Variants in ACADL observed in about 807,000 individuals in gnomAD.
ACADL encodes long-chain specific acyl-CoA dehydrogenase, mitochondrial.
Under a neutral mutation model 56.9 loss-of-function variants are expected in ACADL, and 60 were observed. The ratio of observed to expected loss-of-function variants is 1.05; its 90% CI spans 0.86 to 1.31. ACADL has a LOEUF of 1.31. Among genes scored for constraint, ACADL ranks in the 50% most tolerant of loss-of-function variants. ACADL has a pLI of 0.00. For missense variants in ACADL, 484 were observed against 525.5 expected (o/e 0.92, Z 0.77); for synonymous variants, 158 against 179.7 (o/e 0.88, Z 0.97).
At chr2:210,190,081 A>G (rs1688608001) in intron 10 of ACADL, among the ~76,000 whole-genome samples, 1 of 150,434 alleles carries the variant, frequency 6.6e-6, no homozygotes, top group Admixed American at 6.6e-5. Context: ...TTTAAATTTG[A>G]TTTTTAAGAC....
chr2:210,196,339 C>T (rs558592099), intron 8 of ACADL, among the ~76,000 whole-genome samples: 11 of 151,944 alleles, frequency 7.2e-5, no homozygotes, highest in Admixed American at 4.6e-4. Flanking sequence ...ATACACCTCC[C>T]GTACCTCTCA....
intron 3 of ACADL, among the ~76,000 whole-genome samples, chr2:210,216,926 A>G (rs975715333): frequency 6.6e-6 from 1 of 151,982 alleles, no homozygotes; most frequent in Non-Finnish European, 1.5e-5. Context: ...AAAAAAAGAA[A>G]AAAAAGGACC....
At chr2:210,218,724 T>C (rs1689131482) in intron 2 of ACADL, among the ~76,000 whole-genome samples, 3 of 152,216 alleles carry the variant, frequency 2.0e-5, no homozygotes. Context: ...TATGGCATGT[T>C]GTCATGGGAA....
At position 210,218,122 on chromosome 2, in the gene ACADL, TA is replaced by T. The variant is rs1387087899; in HGVS notation, c.234-21del. On this transcript the variant is annotated intron_variant, in intron 2 of 10. Coordinates refer to ENST00000233710, the MANE Select transcript of ACADL (RefSeq NM_001608.4). ...TCCCATCTGCAAATAACAAATATTTTAAATTCAGATAATTTTTAAATATTAT... is the reference window on the plus strand; with the variant it reads ...TCCCATCTGCAAATAACAAATATTTTAATTCAGATAATTTTTAAATATTAT... 1 of 1,595,510 alleles carries T rather than the reference TA, an allele frequency of 6.3e-7. No homozygotes were observed.
chr2:210,216,208 C>T (rs917453222), intron 4 of ACADL, 139 bp downstream of exon 4: 21 of 879,104 alleles, frequency 2.4e-5, no homozygotes, highest in African/African-American at 1.8e-4. Context: ...TGTTATTTTC[C>T]GACTTGAGGT....
chr2:210,202,842 C>G (rs1671488214), intron 8 of ACADL, among the ~76,000 whole-genome samples: 1 of 152,126 alleles, frequency 6.6e-6, no homozygotes, highest in South Asian at 2.1e-4. Context: ...TGTTTTACGT[C>G]CTCATTTCTA....
At chr2:210,204,877 G>A (rs1335318389) in intron 6 of ACADL, among the ~76,000 whole-genome samples, 195 bp from the exon 7 acceptor site, 1 of 152,180 alleles carries the variant, frequency 6.6e-6, no homozygotes, top group African/African-American at 2.4e-5. Context: ...TCTAAACCTT[G>A]TGGCTTTCCT....
chr2:210,224,703 G>C, intron 1 of ACADL: 1 of 986,830 alleles, frequency 1.0e-6, no homozygotes, highest in South Asian at 4.7e-5. Flanking sequence ...GCCGCAGCCC[G>C]GGCACTGAGT....
At chr2:210,216,958 C>T (rs1689098644) in intron 3 of ACADL, among the ~76,000 whole-genome samples, 1 of 151,388 alleles carries the variant, frequency 6.6e-6, no homozygotes, top group South Asian at 2.1e-4. Flanking sequence ...CAAAACAAAA[C>T]ATGGAGTCAT....
chr2:210,224,451 G>A (rs1689232859), intron 1 of ACADL: 1 of 985,100 alleles, frequency 1.0e-6, no homozygotes, highest in Admixed American at 6.2e-5. Flanking sequence ...ATTAAATAAT[G>A]AATTCTCCAT....
At chr2:210,196,170 C>G (rs1688707658) in intron 8 of ACADL, among the ~76,000 whole-genome samples, 1 of 152,066 alleles carries the variant, frequency 6.6e-6, no homozygotes, top group South Asian at 2.1e-4. Flanking sequence ...GTTTTGCCTG[C>G]TACCATGTAA....
chr2:210,195,331 T>C lies in ACADL; in HGVS notation c.992A>G (p.Gln331Arg), dbSNP rs199818269. The change falls in exon 9 of 11, where the codon CAA (glutamine) becomes CGA (arginine). Residue 331 changes from glutamine to arginine, a missense_variant. Coordinates refer to ENST00000233710, the MANE Select transcript of ACADL (RefSeq NM_001608.4). ...GKTVAHLQTV[Q>R]HKLAELKTHI... is the part of the protein sequence containing the mutation. The stretch of plus-strand genomic sequence containing the variant: ...TGTTTTTAATTCTGCTAATTTATGT[T>C]GCACTGTCTTGAATTTAAAGGAAAT... The C allele has an allele frequency of 1.8e-4, 297 of 1,611,990 alleles. No individual in the cohort carries two copies. The highest frequency in any genetic ancestry group is 3.3e-4 in the Middle Eastern group (2 of 6,074).
rs1688579348 is a variant in ACADL at position 210,188,359 on chromosome 2, TTTCA to T, written c.*598_*601del. ...CAAATACTTAGCTGAGTCCTAGGGG[TTTCA>T]AGGCAGTAAGGTATGATGGCTTCCA... On this transcript the variant is annotated 3_prime_UTR_variant, in exon 11 of 11. Transcript: ENST00000233710. 2.6e-5 allele frequency: 4 copies of T among 153,196 alleles called. No homozygotes were observed. Among genetic ancestry groups the T allele is most frequent in the African/African-American group, 9.7e-5 (4 of 41,382 alleles). The allele number at this position is 153,196 out of a possible 1,614,324, so 9.5% of individuals were successfully genotyped here. A position where few individuals can be genotyped will look rare whatever the true frequency, so the allele number is the denominator to read the frequency against.
intron 10 of ACADL, among the ~76,000 whole-genome samples, chr2:210,190,337 A>T (rs1465578727): frequency 6.6e-6 from 1 of 152,132 alleles, no homozygotes; most frequent in African/African-American, 2.4e-5. Flanking sequence ...TAGCACCTGC[A>T]TTTTGAGCAC....
chr2:210,216,266 C>A lies in ACADL; in HGVS notation c.536+81G>T, dbSNP rs1343050075. On this transcript the variant is annotated intron_variant, in intron 4 of 10. Coordinates refer to ENST00000233710, the MANE Select transcript of ACADL (RefSeq NM_001608.4). The stretch of plus-strand genomic sequence containing the variant: ...TTTGCCTTCCTCCTAGCATATAGCT[C>A]AGTCTATGTATTAACCAAGTACTAA... 5 of 1,474,750 alleles carry A rather than the reference C, an allele frequency of 3.4e-6. No individual in the cohort carries two copies. In the East Asian group the frequency reaches 1.1e-4, roughly 33 times the overall value. 91.4% of individuals were successfully genotyped at this position (1,474,750 alleles called of 1,614,324 possible). A position where few individuals can be genotyped will look rare whatever the true frequency, so the allele number is the denominator to read the frequency against.
intron 9 of ACADL, 116 bp downstream of exon 9, chr2:210,195,095 T>C (rs1688685875): frequency 1.4e-6 from 2 of 1,390,896 alleles, no homozygotes; most frequent in South Asian, 2.4e-5. Flanking sequence ...AGTCTCACTT[T>C]TATTTTTCAT....
rs754553274 is a variant in ACADL, at chr2:210,220,290, G to A, written c.233+357C>T. Among the ~76,000 whole-genome samples the A allele has an allele frequency of 1.3e-3, 191 of 152,082 alleles. 1 individual carries two copies. Among genetic ancestry groups the A allele is most frequent in the Non-Finnish European group, 2.1e-3 (140 of 68,004 alleles). On this transcript the variant is annotated intron_variant, in intron 2 of 10. Transcript: ENST00000233710. ...CAGAGGTAACCAATTGCTTACCAAG[G>A]TTTGCATTGTGCTGACTTTTTGGGT...
chr2:210,198,708 T>G (rs1238512364), intron 8 of ACADL, among the ~76,000 whole-genome samples: 1 of 152,146 alleles, frequency 6.6e-6, no homozygotes, highest in Non-Finnish European at 1.5e-5. Context: ...CTTAATTTCC[T>G]TAACTGTAAA....
At position 210,205,674 on chromosome 2, in the gene ACADL, A is replaced by G. The variant is rs1248505117; in HGVS notation, c.726T>C (p.Phe242=). 1 of 1,613,922 alleles carries G rather than the reference A, an allele frequency of 6.2e-7. No individual in the cohort carries two copies. The change falls in exon 6 of 11, where the codon TTT becomes TTC. Residue 242 remains phenylalanine (F), a synonymous_variant. Transcript: ENST00000233710. ...TTTTATGTAGCTTTCGTCCCTTGAT[A>G]AATCCTTTCATTCCATTTTCCACCA... ...LFLVENGMKG[F]IKGRKLHKMG...
Sources: gnomAD v4.1 joint callset for allele counts (sites outside exome capture counted in the v4.1 genomes callset) on GRCh38, gnomAD v4.1.1 for gene constraint, MANE v1.5 for transcripts, NCBI Gene and HGNC (gene_info 2026-07-23, HGNC 2026-07-21) for gene names.